The following NPY2R variants were observed in gnomAD, a reference collection of about 807,000 sequenced individuals.
NPY2R encodes neuropeptide Y receptor Y2.
In NPY2R, 17 loss-of-function variants were observed where a neutral mutation model predicts 22.3. The ratio of observed to expected loss-of-function variants is 0.76; its 90% confidence interval spans 0.52 to 1.14. The LOEUF is 1.14. Among genes scored for constraint, NPY2R ranks in the 50% most tolerant of loss-of-function variants. The pLI is 0.00. For synonymous variants in NPY2R, 209 were observed against 183.4 expected (o/e 1.14, Z -1.13); for missense variants, 424 against 467.9 (o/e 0.91, Z 0.87).
the NPY2R span, among the ~76,000 whole-genome samples, chr4:155,180,663 T>C: frequency 2.2e-4 from 33 of 152,228 alleles, no homozygotes; most frequent in Admixed American, 1.4e-3. Flanking sequence ...CTTGGAACTC[T>C]AATATATATA....
Position 155,215,048 on chromosome 4 carries a change from GC to G in NPY2R, c.1113del (p.Asn372MetfsTer16). The G allele has an allele frequency of 6.2e-7, 1 of 1,613,482 alleles. No individual in the cohort carries two copies. Among genetic ancestry groups the G allele is most frequent in the Non-Finnish European group, 8.5e-7 (1 of 1,180,028 alleles). ...AACCTGGAGGTCAGAAAGAACAGTG[GC>G]CCCAATGACTCTTTCACAGAGGCTA... is the stretch of plus-strand genomic sequence containing the variant. The part of the protein sequence containing the change: ...KKNLEVRKNS[G>X]PNDSFTEATN... On this transcript the variant is annotated frameshift_variant, in exon 2 of 2. Coordinates refer to ENST00000329476, the MANE Select transcript of NPY2R (RefSeq NM_000910.4). LOFTEE classifies it high-confidence loss of function.
chr4:155,179,592 A>AT, the NPY2R span, among the ~76,000 whole-genome samples: 1 of 152,014 alleles, frequency 6.6e-6, no homozygotes, highest in African/African-American at 2.4e-5. Flanking sequence ...CAACTCATAT[A>AT]TTTTCTGCCC....
the NPY2R span, among the ~76,000 whole-genome samples, chr4:155,174,486 T>TA: frequency 2.9e-3 from 197 of 68,638 alleles, 2 homozygotes; most frequent in South Asian, 0.017. Context: ...ATATATATAT[T>TA]TTTTTTTTTA....
At chr4:155,174,039 G>A in the NPY2R span, 1 of 151,872 alleles carries the variant, frequency 6.6e-6, no homozygotes, top group Non-Finnish European at 1.5e-5. Flanking sequence ...TTGTTCAAAT[G>A]TTAGTATGAG....
the NPY2R span, among the ~76,000 whole-genome samples, chr4:155,187,641 C>T: frequency 4.6e-5 from 7 of 152,004 alleles, no homozygotes; most frequent in Non-Finnish European, 1.0e-4. Flanking sequence ...GGCAGTACCT[C>T]CAAAGGATAA....
At chr4:155,211,816 G>A (rs1192319583) in intron 1 of NPY2R, among the ~76,000 whole-genome samples, 4 of 152,162 alleles carry the variant, frequency 2.6e-5, no homozygotes, top group Admixed American at 1.3e-4. Flanking sequence ...CAAGGCCCCC[G>A]GAACAGGGAC....
Position 155,214,016 on chromosome 4 carries a change from C to A in NPY2R, c.77C>A (p.Thr26Lys), listed in dbSNP as rs1167016437. The A allele has an allele frequency of 1.9e-6, 3 of 1,613,958 alleles. No individual in the cohort carries two copies. Among genetic ancestry groups the A allele is most frequent in the Non-Finnish European group, 2.5e-6 (3 of 1,179,966 alleles). ...AAGGTGGAACAATACGGGCCACAAA[C>A]AACTCCTAGAGGTGAACTGGTCCCT... is the stretch of plus-strand genomic sequence containing the variant. ...EMKVEQYGPQTTPRGELVPDP... is the reference protein window; with the variant it reads ...EMKVEQYGPQKTPRGELVPDP... The change falls in exon 2 of 2, where the codon ACA (threonine) becomes AAA (lysine). Residue 26 changes from threonine (T) to lysine (K), a missense_variant. Coordinates refer to ENST00000329476, the MANE Select transcript of NPY2R (RefSeq NM_000910.4).
the NPY2R span, among the ~76,000 whole-genome samples, chr4:155,195,277 A>G: frequency 6.6e-6 from 1 of 151,836 alleles, no homozygotes; most frequent in South Asian, 2.1e-4. Context: ...TTATCCCTTT[A>G]TTTATTGGCA....
upstream of NPY2R, chr4:155,207,965 C>A (rs1469079336): frequency 6.6e-6 from 1 of 152,286 alleles, no homozygotes; most frequent in Non-Finnish European, 1.5e-5. Flanking sequence ...TATAAACTGT[C>A]TGCAGACACC....
In NPY2R at chr4:155,214,023, T is replaced by C. The variant is rs1729457649; in HGVS notation, c.84T>C (p.Pro28=). ...AACAATACGGGCCACAAACAACTCC[T>C]AGAGGTGAACTGGTCCCTGACCCTG... is the stretch of plus-strand genomic sequence containing the variant. ...KVEQYGPQTT[P]RGELVPDPEP... is the part of the protein sequence containing the mutation. Residue 28 remains proline, a synonymous_variant, in exon 2 of 2, where the codon CCT becomes CCC. Transcript: ENST00000329476. The C allele has an allele frequency of 6.2e-7, 1 of 1,613,832 alleles. No individual in the cohort carries two copies. Among genetic ancestry groups the C allele is most frequent in the African/African-American group, 1.3e-5 (1 of 74,912 alleles).
At chr4:155,174,484 A>ATATATATATATTTTTT in the NPY2R span, among the ~76,000 whole-genome samples, 19 of 106,066 alleles carry the variant, frequency 1.8e-4, no homozygotes, top group African/African-American at 7.7e-4. Flanking sequence ...ATATATATAT[A>ATATATATATATTTTTT]TTTTTTTTTT....
intron 1 of NPY2R, among the ~76,000 whole-genome samples, chr4:155,209,836 C>A (rs551736366): frequency 1.1e-4 from 17 of 151,968 alleles, no homozygotes; most frequent in Non-Finnish European, 2.4e-4. Flanking sequence ...TAAGGCCAAC[C>A]TGTGACAATA....
chr4:155,176,920 C>A, the NPY2R span, among the ~76,000 whole-genome samples: 4 of 152,050 alleles, frequency 2.6e-5, no homozygotes, highest in Non-Finnish European at 5.9e-5. Flanking sequence ...GTTCCCATGG[C>A]GGAAGAGCAG....
At chr4:155,185,467 G>A in the NPY2R span, among the ~76,000 whole-genome samples, 1 of 152,008 alleles carries the variant, frequency 6.6e-6, no homozygotes, top group East Asian at 1.9e-4. Context: ...ATTTATAGTA[G>A]CAACATTTTA....
chr4:155,215,328 G>A lies in NPY2R; in HGVS notation c.*243G>A, dbSNP rs955788831. The A allele has an allele frequency of 3.4e-6, 2 of 590,226 alleles. No homozygotes were observed. Among genetic ancestry groups the A allele is most frequent in the Non-Finnish European group, 6.2e-6 (2 of 322,896 alleles). The allele number at this position is 590,226 out of a possible 1,614,324, so 36.6% of individuals were successfully genotyped here. On this transcript the variant is annotated 3_prime_UTR_variant, in exon 2 of 2. Coordinates refer to ENST00000329476, the MANE Select transcript of NPY2R (RefSeq NM_000910.4). ...GGTTGGGTAGTAGGTTGCATTATGA[G>A]TAAAAGCAGAGAGAAGTACTTTTGA...
chr4:155,181,953 A>G, the NPY2R span, among the ~76,000 whole-genome samples: 5 of 152,178 alleles, frequency 3.3e-5, no homozygotes, highest in African/African-American at 9.7e-5. Flanking sequence ...AATGGGGATG[A>G]TGGAATGTCC....
rs563420931 is a variant in NPY2R at position 155,215,573 on chromosome 4, T to G, written c.*488T>G. ...CTTCATCGCATTTTGATTTTTTTGT[T>G]CATTCTCTAGACAAAATCCATCAGG... On this transcript the variant is annotated 3_prime_UTR_variant, in exon 2 of 2. Coordinates refer to ENST00000329476, the MANE Select transcript of NPY2R (RefSeq NM_000910.4). 23 of 203,032 alleles carry G rather than the reference T, an allele frequency of 1.1e-4. No homozygotes were observed. The highest frequency in any genetic ancestry group is 5.4e-4 in the African/African-American group (23 of 42,266). 12.6% of individuals were successfully genotyped at this position (203,032 alleles called of 1,614,324 possible).
chr4:155,214,261 C>G lies in NPY2R; in HGVS notation c.322C>G (p.Leu108Val). The part of the protein sequence containing the change: ...LVNTLCLPFT[L>V]TYTLMGEWKM... ...GAACACTCTGTGTCTACCGTTCACTCTTACCTATACCTTAATGGGGGAGTG... is the reference window on the plus strand; with the variant it reads ...GAACACTCTGTGTCTACCGTTCACTGTTACCTATACCTTAATGGGGGAGTG... Residue 108 changes from leucine (L) to valine (V), a missense_variant, in exon 2 of 2, where the codon CTT becomes GTT. Coordinates refer to ENST00000329476, the MANE Select transcript of NPY2R (RefSeq NM_000910.4). The G allele has an allele frequency of 6.2e-7, 1 of 1,614,150 alleles. No individual in the cohort carries two copies. Among genetic ancestry groups the G allele is most frequent in the South Asian group, 1.1e-5 (1 of 91,088 alleles).
At chr4:155,194,567 G>A in the NPY2R span, among the ~76,000 whole-genome samples, 1 of 152,096 alleles carries the variant, frequency 6.6e-6, no homozygotes, top group Non-Finnish European at 1.5e-5. Context: ...CTGCTACAAA[G>A]GACATGATTT....
Sources: gnomAD v4.1 joint callset for allele counts (sites outside exome capture counted in the v4.1 genomes callset) on GRCh38, gnomAD v4.1.1 for gene constraint, MANE v1.5 for transcripts, NCBI Gene and HGNC (gene_info 2026-07-23, HGNC 2026-07-21) for gene names.